Variants in BCAR3 observed in about 807,000 individuals in gnomAD.
The protein encoded by BCAR3 is breast cancer anti-estrogen resistance protein 3.
BCAR3 carries 37 observed loss-of-function variants against 80.1 expected under a neutral mutation model. That is an observed-to-expected ratio of 0.46 (90% CI 0.36 to 0.61). BCAR3 has a LOEUF of 0.61. Among genes scored for constraint, BCAR3 ranks in the 20% least tolerant of loss-of-function variants. The probability of loss-of-function intolerance (pLI) is 0.00; values close to 1 mark genes in which losing one functional copy is unlikely to be tolerated. For synonymous variants in BCAR3, 389 were observed against 418.9 expected (o/e 0.93, Z 0.87); for missense variants, 978 against 1,068.2 (o/e 0.92, Z 1.18).
chr1:93,810,038 AC>A (rs1653779273), intron 2 of BCAR3, among the ~76,000 whole-genome samples: 1 of 151,276 alleles, frequency 6.6e-6, no homozygotes, highest in Non-Finnish European at 1.5e-5. Flanking sequence ...AAAAAAAAAT[AC>A]AAAAATTAGC....
chr1:93,698,408 T>C (rs1649500843), intron 3 of BCAR3, among the ~76,000 whole-genome samples: 1 of 152,174 alleles, frequency 6.6e-6, no homozygotes, highest in Non-Finnish European at 1.5e-5. Context: ...GATCTGGTGA[T>C]AGATGACAAG....
Position 93,589,095 on chromosome 1 carries a change from C to T in BCAR3, c.811G>A (p.Gly271Ser), listed in dbSNP as rs1442243031. 4 of 1,612,970 alleles carry T rather than the reference C, an allele frequency of 2.5e-6. No individual in the cohort carries two copies. In the Admixed American group the frequency reaches 5.0e-5, roughly 20 times the overall value. ...GTGAGGCTGCCCTCCCGGGCCTGGC[C>T]TGGGGAGGTGCCATAATGCTCCTCC... ...CLEEHYGTSP[G>S]QAREGSLTKG... The change falls in exon 5 of 12, where the codon GGC becomes AGC. Residue 271 changes from glycine to serine, a missense_variant. Physicochemically the swap from Gly to Ser is moderately conservative, Grantham distance 56 (BLOSUM62 0). Coordinates refer to ENST00000260502, the MANE Select transcript of BCAR3 (RefSeq NM_003567.4).
intron 2 of BCAR3, chr1:93,753,107 G>A (rs1038321701): frequency 6.6e-5 from 10 of 152,276 alleles, no homozygotes; most frequent in Admixed American, 6.5e-4. Context: ...TGCATTCATT[G>A]ACTCAGGTTC....
intron 2 of BCAR3, among the ~76,000 whole-genome samples, chr1:93,663,062 T>C (rs2101933369): frequency 6.6e-6 from 1 of 152,312 alleles, no homozygotes. Context: ...GAGTCTCTTG[T>C]CATGGCCTCA....
At chr1:93,766,285 T>C (rs1052269015) in intron 2 of BCAR3, among the ~76,000 whole-genome samples, 2 of 152,216 alleles carry the variant, frequency 1.3e-5, no homozygotes, top group African/African-American at 4.8e-5. Flanking sequence ...AGCCAGTGAA[T>C]TAAAAGCTCT....
At chr1:93,749,803 C>A (rs1410856655) in intron 2 of BCAR3, among the ~76,000 whole-genome samples, 1 of 151,592 alleles carries the variant, frequency 6.6e-6, no homozygotes, top group Non-Finnish European at 1.5e-5. Flanking sequence ...ATTGCACCTG[C>A]ACAAATTTAG....
At chr1:93,604,796 C>T (rs12046737) in intron 3 of BCAR3, among the ~76,000 whole-genome samples, 2 of 152,332 alleles carry the variant, frequency 1.3e-5, no homozygotes, top group East Asian at 3.9e-4. Flanking sequence ...CTAAGCTTGA[C>T]AGAATGTAGC....
chr1:93,623,613 A>G (rs775566031), intron 3 of BCAR3, among the ~76,000 whole-genome samples: 6 of 152,190 alleles, frequency 3.9e-5, no homozygotes, highest in Non-Finnish European at 8.8e-5. Context: ...GTGCTGAGAG[A>G]GGCAGATGCA....
At chr1:93,571,451 TTG>T in intron 9 of BCAR3, 1 of 506,172 alleles carries the variant, frequency 2.0e-6, no homozygotes, top group Non-Finnish European at 3.5e-6. Flanking sequence ...TGAGCTGAGA[TTG>T]TGCCACTGCT....
chr1:93,717,011 TG>T (rs1439418423), intron 2 of BCAR3, among the ~76,000 whole-genome samples: 1 of 152,260 alleles, frequency 6.6e-6, no homozygotes, highest in Non-Finnish European at 1.5e-5. Context: ...TCCTTGAATG[TG>T]GGCTGGCCTT....
At chr1:93,830,238 G>A (rs1045390726) in intron 2 of BCAR3, among the ~76,000 whole-genome samples, 6 of 152,152 alleles carry the variant, frequency 3.9e-5, no homozygotes, top group African/African-American at 1.4e-4. Context: ...CGAGGTGGGT[G>A]GATCACAAGG....
chr1:93,766,104 G>A (rs1441393963), intron 2 of BCAR3, among the ~76,000 whole-genome samples: 1 of 152,080 alleles, frequency 6.6e-6, no homozygotes, highest in African/African-American at 2.4e-5. Flanking sequence ...TCTGCCAATC[G>A]CTGGCAACCA....
chr1:93,764,496 C>A (rs1652073201), intron 2 of BCAR3, among the ~76,000 whole-genome samples: 1 of 152,136 alleles, frequency 6.6e-6, no homozygotes, highest in Non-Finnish European at 1.5e-5. Flanking sequence ...AGAGTCTACC[C>A]TTGTGATATC....
At chr1:93,830,754 GC>G (rs1301193747) in intron 2 of BCAR3, among the ~76,000 whole-genome samples, 2 of 152,150 alleles carry the variant, frequency 1.3e-5, no homozygotes, top group African/African-American at 4.8e-5. Context: ...CACATTTGGT[GC>G]CAAAACCTGG....
intron 2 of BCAR3, among the ~76,000 whole-genome samples, chr1:93,743,918 C>T (rs1651264721): frequency 6.6e-6 from 1 of 152,174 alleles, no homozygotes; most frequent in Non-Finnish European, 1.5e-5. Context: ...ATCACGATGT[C>T]ACATAAAAGG....
chr1:93,738,361 G>A (rs1651055959), intron 2 of BCAR3, among the ~76,000 whole-genome samples: 1 of 152,210 alleles, frequency 6.6e-6, no homozygotes, highest in Admixed American at 6.5e-5. Context: ...AAATGAAATT[G>A]AGGAGAATAA....
intron 9 of BCAR3, among the ~76,000 whole-genome samples, chr1:93,571,259 A>T (rs1673201247): frequency 6.6e-6 from 1 of 151,982 alleles, no homozygotes; most frequent in Admixed American, 6.6e-5. Flanking sequence ...CTGTAATTCC[A>T]GCACTTCGGG....
At chr1:93,646,047 T>C (rs1484124654) in intron 2 of BCAR3, among the ~76,000 whole-genome samples, 1 of 152,158 alleles carries the variant, frequency 6.6e-6, no homozygotes, top group Non-Finnish European at 1.5e-5. Flanking sequence ...TATTTATACA[T>C]TGTGTAAACA....
At position 93,655,401 on chromosome 1, in the gene BCAR3, G is replaced by T. The variant is rs77701858; in HGVS notation, c.318-13058C>A. ...ACTAGAGTGTGGGAGGTGGGGGGATGGTGTACAGATTTAAGAAATTTTTCC... is the reference window on the plus strand; with the variant it reads ...ACTAGAGTGTGGGAGGTGGGGGGATTGTGTACAGATTTAAGAAATTTTTCC... On this transcript the variant is annotated intron_variant, in intron 2 of 11. Transcript: ENST00000260502. Among the ~76,000 whole-genome samples, 184 of 152,112 alleles carry T rather than the reference G, an allele frequency of 1.2e-3. 2 individuals carry two copies. In the East Asian group the frequency reaches 0.034, roughly 28 times the overall value.
Sources: gnomAD v4.1 joint callset for allele counts (sites outside exome capture counted in the v4.1 genomes callset) on GRCh38, gnomAD v4.1.1 for gene constraint, MANE v1.5 for transcripts, NCBI Gene and HGNC (gene_info 2026-07-23, HGNC 2026-07-21) for gene names.